Variants in NKAIN2 observed in about 807,000 individuals in gnomAD.
NKAIN2 encodes sodium/potassium transporting ATPase interacting 2.
A neutral mutation model predicts 32.6 loss-of-function variants in NKAIN2; 14 were observed. The observed-to-expected ratio is 0.43, with a 90% CI of 0.28 to 0.67. The LOEUF is 0.67. Ranked by LOEUF, NKAIN2 falls within the 30% of genes least tolerant of loss-of-function variation. NKAIN2 has a pLI of 0.17. For missense variants in NKAIN2, 198 were observed against 258.3 expected (o/e 0.77, Z 1.60); for synonymous variants, 80 against 87.2 (o/e 0.92, Z 0.46).
intron 1 of NKAIN2, among the ~76,000 whole-genome samples, chr6:124,256,888 T>TTC (rs1232557615): frequency 3.9e-5 from 4 of 102,858 alleles, no homozygotes; most frequent in Admixed American, 9.8e-5. Context: ...TTCTGTTGTT[T>TTC]TTTTTTTTTT....
intron 1 of NKAIN2, among the ~76,000 whole-genome samples, chr6:124,195,590 A>G (rs912536570): frequency 2.0e-4 from 31 of 152,274 alleles, no homozygotes; most frequent in African/African-American, 7.2e-4. Flanking sequence ...GTCCAAAGGC[A>G]GTGAAGTCAC....
At chr6:123,866,465 C>T (rs1772519489) in intron 1 of NKAIN2, among the ~76,000 whole-genome samples, 1 of 152,076 alleles carries the variant, frequency 6.6e-6, no homozygotes, top group Admixed American at 6.6e-5. Flanking sequence ...GAGTCTCGCT[C>T]TGTCGTCCAG....
At chr6:124,046,061 T>C (rs554671982) in intron 1 of NKAIN2, among the ~76,000 whole-genome samples, 1 of 151,992 alleles carries the variant, frequency 6.6e-6, no homozygotes, top group African/African-American at 2.4e-5. Flanking sequence ...AAGAGAACAA[T>C]GTATTACACA....
chr6:124,743,364 A>C (rs2114693787), intron 4 of NKAIN2, among the ~76,000 whole-genome samples: 1 of 152,058 alleles, frequency 6.6e-6, no homozygotes, highest in Non-Finnish European at 1.5e-5. Context: ...GTGTGGAATA[A>C]GTTAAAATCC....
intron 1 of NKAIN2, among the ~76,000 whole-genome samples, chr6:124,173,952 T>G (rs575304223): frequency 6.6e-6 from 1 of 152,272 alleles, no homozygotes. Context: ...ATTAAAATTT[T>G]CATGCCGAAG....
At chr6:124,465,282 C>A (rs1177520791) in intron 3 of NKAIN2, among the ~76,000 whole-genome samples, 2 of 152,076 alleles carry the variant, frequency 1.3e-5, no homozygotes, top group East Asian at 3.9e-4. Flanking sequence ...CACATATACA[C>A]CATGGAATAC....
intron 1 of NKAIN2, among the ~76,000 whole-genome samples, chr6:123,892,509 GA>G (rs1388158255): frequency 1.3e-5 from 2 of 151,282 alleles, no homozygotes; most frequent in African/African-American, 2.4e-5. Context: ...CAGCATGGGG[GA>G]AACCACCCCC....
intron 1 of NKAIN2, among the ~76,000 whole-genome samples, chr6:124,040,373 A>G (rs1026088795): frequency 4.6e-5 from 7 of 151,924 alleles, no homozygotes; most frequent in Non-Finnish European, 8.8e-5. Context: ...AATACATTAT[A>G]TAGTTATTTT....
intron 3 of NKAIN2, chr6:124,437,908 G>A (rs758977094): frequency 2.4e-4 from 95 of 391,804 alleles, no homozygotes; most frequent in Non-Finnish European, 3.9e-4. Context: ...CCCAGGTAAC[G>A]GTCTGATGGT....
intron 3 of NKAIN2, among the ~76,000 whole-genome samples, chr6:124,517,672 C>T (rs539219027): frequency 3.3e-5 from 5 of 152,032 alleles, no homozygotes; most frequent in African/African-American, 7.2e-5. Context: ...AAGTTATAAC[C>T]GTAAACTTCT....
At chr6:124,808,787 T>A (rs1427179151) in intron 5 of NKAIN2, among the ~76,000 whole-genome samples, 1 of 152,184 alleles carries the variant, frequency 6.6e-6, no homozygotes, top group Non-Finnish European at 1.5e-5. Context: ...CAGCAAAGTC[T>A]CAGGATACAA....
At chr6:124,045,237 C>T (rs1782061844) in intron 1 of NKAIN2, among the ~76,000 whole-genome samples, 1 of 151,704 alleles carries the variant, frequency 6.6e-6, no homozygotes, top group African/African-American at 2.4e-5. Flanking sequence ...TACTGGTCTG[C>T]AAGATTTATA....
intron 1 of NKAIN2, among the ~76,000 whole-genome samples, chr6:124,163,922 G>A (rs1164604734): frequency 6.6e-6 from 1 of 151,990 alleles, no homozygotes; most frequent in African/African-American, 2.4e-5. Context: ...CTTGCAGAAA[G>A]ACGAATAGAG....
At chr6:123,809,329 A>G (rs560580838) in intron 1 of NKAIN2, among the ~76,000 whole-genome samples, 20 of 77,370 alleles carry the variant, frequency 2.6e-4, no homozygotes, top group Admixed American at 6.6e-4. Context: ...GATACAATGT[A>G]TGTAGGGCTA....
At chr6:123,864,912 A>T (rs1419820391) in intron 1 of NKAIN2, among the ~76,000 whole-genome samples, 3 of 152,156 alleles carry the variant, frequency 2.0e-5, no homozygotes, top group Admixed American at 2.0e-4. Context: ...TTAAAATTTT[A>T]CACAGAAATA....
At chr6:123,941,024 A>G (rs902154616) in intron 1 of NKAIN2, among the ~76,000 whole-genome samples, 8 of 151,864 alleles carry the variant, frequency 5.3e-5, no homozygotes, top group Non-Finnish European at 8.8e-5. Context: ...GCGTTTTGCT[A>G]TTTTAAAATT....
chr6:124,012,985 G>A (rs1057283245), intron 1 of NKAIN2, among the ~76,000 whole-genome samples: 2 of 151,960 alleles, frequency 1.3e-5, no homozygotes, highest in Non-Finnish European at 2.9e-5. Context: ...CTACCTCCCC[G>A]CCAACATTTG....
chr6:123,978,754 T>C (rs556664148), intron 1 of NKAIN2, among the ~76,000 whole-genome samples: 2 of 152,306 alleles, frequency 1.3e-5, no homozygotes, highest in South Asian at 4.1e-4. Flanking sequence ...TTAAGGCTTA[T>C]TTTCAACTGG....
At position 124,680,033 on chromosome 6, in the gene NKAIN2, C is replaced by T. The variant is rs1370472298; in HGVS notation, c.474+21647C>T. Among the ~76,000 whole-genome samples the T allele has an allele frequency of 2.0e-5, 3 of 151,854 alleles. No individual in the cohort carries two copies. The East Asian group carries it at 5.8e-4, about 30-fold the overall frequency. Reference sequence around the variant, plus strand: ...ATCATTATTTATTACGATGAGCCACCAAAATTTTCTTATAATTCTCTTATG... The same window carrying T: ...ATCATTATTTATTACGATGAGCCACTAAAATTTTCTTATAATTCTCTTATG... On this transcript the variant is annotated intron_variant, in intron 4 of 6. Transcript: ENST00000368417.
Sources: gnomAD v4.1 joint callset for allele counts (sites outside exome capture counted in the v4.1 genomes callset) on GRCh38, gnomAD v4.1.1 for gene constraint, MANE v1.5 for transcripts, NCBI Gene and HGNC (gene_info 2026-07-23, HGNC 2026-07-21) for gene names.